Variants in ALCAM observed in about 807,000 individuals in gnomAD.
ALCAM encodes activated leukocyte cell adhesion molecule, also known as CD166 antigen.
ALCAM carries 30 observed loss-of-function variants against 70.9 expected under a neutral mutation model. The observed-to-expected ratio is 0.42, with a 90% CI of 0.32 to 0.57. ALCAM has a LOEUF of 0.57. Among genes scored for constraint, ALCAM ranks in the 20% least tolerant of loss-of-function variants. ALCAM has a pLI of 0.11. For missense variants in ALCAM, 591 were observed against 695.1 expected, an observed-to-expected ratio of 0.85 and a Z score of 1.68; for synonymous variants, 249 against 242.5, an observed-to-expected ratio of 1.03 and a Z score of -0.25.
At chr3:105,491,337 C>T (rs573687852) in intron 1 of ALCAM, among the ~76,000 whole-genome samples, 62 of 152,298 alleles carry the variant, frequency 4.1e-4, no homozygotes, top group African/African-American at 1.5e-3. Flanking sequence ...CTCTGACATG[C>T]CATGGAGACA....
At chr3:105,539,848 T>C (rs1940071037) in intron 6 of ALCAM, 127 bp from the exon 7 acceptor site, 1 of 899,370 alleles carries the variant, frequency 1.1e-6, no homozygotes. Context: ...TATAAAAAGG[T>C]ATATTTAAGC....
At position 105,575,569 on chromosome 3, in the gene ALCAM, T is replaced by C. The variant is rs1257150421; in HGVS notation, c.*1118T>C. The C allele has an allele frequency of 1.3e-5, 2 of 152,574 alleles. No individual in the cohort carries two copies. Among genetic ancestry groups the C allele is most frequent in the Admixed American group, 6.6e-5 (1 of 15,252 alleles). 9.5% of individuals were successfully genotyped at this position (152,574 alleles called of 1,614,324 possible). A position where few individuals can be genotyped will look rare whatever the true frequency, so the allele number is the denominator to read the frequency against. ...TAATTTATCAAGCAGTACATGAAAG[T>C]GTAATAATAAAATGTCTATGTATCT... On this transcript the variant is annotated 3_prime_UTR_variant, in exon 16 of 16. Transcript: ENST00000306107.
At position 105,574,563 on chromosome 3, in the gene ALCAM, A is replaced by G. The variant is rs1940922589; in HGVS notation, c.*112A>G. On this transcript the variant is annotated 3_prime_UTR_variant, in exon 16 of 16. Coordinates refer to ENST00000306107, the MANE Select transcript of ALCAM (RefSeq NM_001627.4). ...AGACATTGACAGCAATTCATGGTTC[A>G]AGTATTAAGCAGTTCATTCTACCAA... is the stretch of plus-strand genomic sequence containing the variant. The G allele has an allele frequency of 6.6e-6, 1 of 152,620 alleles. No individual in the cohort carries two copies. The highest frequency in any genetic ancestry group is 1.5e-5 in the Non-Finnish European group (1 of 68,032). The allele number at this position is 152,620 out of a possible 1,614,324, so 9.5% of individuals were successfully genotyped here.
chr3:105,386,363 A>G (rs1439244198), intron 1 of ALCAM, among the ~76,000 whole-genome samples: 3 of 151,626 alleles, frequency 2.0e-5, no homozygotes, highest in African/African-American at 7.3e-5. Context: ...CCAACTGAAT[A>G]GAAATACTCA....
chr3:105,529,541 T>G (rs1398263650), intron 3 of ALCAM, among the ~76,000 whole-genome samples: 1 of 152,064 alleles, frequency 6.6e-6, no homozygotes, highest in Non-Finnish European at 1.5e-5. Flanking sequence ...AAACAAACCT[T>G]TAAGGAGAAA....
intron 1 of ALCAM, among the ~76,000 whole-genome samples, chr3:105,493,753 A>T: frequency 6.6e-6 from 1 of 152,166 alleles, no homozygotes; most frequent in Non-Finnish European, 1.5e-5. Flanking sequence ...GATCTCCAGG[A>T]ACTATATGAC....
intron 1 of ALCAM, among the ~76,000 whole-genome samples, chr3:105,481,512 G>C (rs1938270775): frequency 6.6e-6 from 1 of 152,034 alleles, no homozygotes; most frequent in South Asian, 2.1e-4. Flanking sequence ...TGTAACATTA[G>C]GTATTGAAGG....
intron 1 of ALCAM, among the ~76,000 whole-genome samples, chr3:105,458,351 G>T (rs571083721): frequency 1.3e-5 from 2 of 152,276 alleles, no homozygotes; most frequent in East Asian, 3.9e-4. Flanking sequence ...ATGGAACTGG[G>T]TATGACATTG....
At chr3:105,448,536 C>T (rs1252050826) in intron 1 of ALCAM, among the ~76,000 whole-genome samples, 1 of 152,122 alleles carries the variant, frequency 6.6e-6, no homozygotes, top group African/African-American at 2.4e-5. Context: ...TGGCTCCATC[C>T]AATTTTCCAC....
intron 12 of ALCAM, 98 bp downstream of exon 12, chr3:105,550,357 G>T: frequency 3.3e-6 from 4 of 1,202,530 alleles, no homozygotes; most frequent in South Asian, 3.4e-5. Context: ...ACTGCATTAT[G>T]GTAAGTTTTA....
At chr3:105,553,327 A>G (rs1381955279) in intron 14 of ALCAM, among the ~76,000 whole-genome samples, 3 of 151,774 alleles carry the variant, frequency 2.0e-5, no homozygotes, top group Non-Finnish European at 2.9e-5. Flanking sequence ...TTCAGATACC[A>G]TTGATAGGGG....
chr3:105,398,138 A>G (rs191826688), intron 1 of ALCAM, among the ~76,000 whole-genome samples: 108 of 152,152 alleles, frequency 7.1e-4, no homozygotes, highest in Non-Finnish European at 1.3e-3. Flanking sequence ...CCAAATTTGC[A>G]TTTCTAACAA....
intron 8 of ALCAM, 92 bp from the exon 9 acceptor site, chr3:105,545,131 A>G: frequency 1.2e-6 from 1 of 858,834 alleles, no homozygotes; most frequent in South Asian, 1.4e-5. Flanking sequence ...CAGTTAGAAG[A>G]AATTTATTTT....
intron 3 of ALCAM, among the ~76,000 whole-genome samples, chr3:105,527,871 C>A (rs896272437): frequency 6.6e-6 from 1 of 151,754 alleles, no homozygotes; most frequent in African/African-American, 2.4e-5. Flanking sequence ...TGCTTTCACC[C>A]TCCTCCTAAA....
At chr3:105,470,035 A>G (rs867876570) in intron 1 of ALCAM, among the ~76,000 whole-genome samples, 34 of 149,880 alleles carry the variant, frequency 2.3e-4, no homozygotes, top group Non-Finnish European at 1.5e-4. Flanking sequence ...GGTATATTTT[A>G]TATTAATATA....
At chr3:105,395,544 T>C (rs1576132039) in intron 1 of ALCAM, among the ~76,000 whole-genome samples, 1 of 152,162 alleles carries the variant, frequency 6.6e-6, no homozygotes, top group African/African-American at 2.4e-5. Context: ...CATGAAAATA[T>C]GCTTTTCTTT....
intron 1 of ALCAM, among the ~76,000 whole-genome samples, chr3:105,392,134 A>G (rs1016059875): frequency 6.6e-6 from 1 of 152,072 alleles, no homozygotes; most frequent in Non-Finnish European, 1.5e-5. Context: ...GAATAGTTTC[A>G]GAAGAAATGG....
intron 1 of ALCAM, among the ~76,000 whole-genome samples, chr3:105,434,379 T>C (rs1404890960): frequency 6.6e-6 from 1 of 152,102 alleles, no homozygotes; most frequent in Non-Finnish European, 1.5e-5. Context: ...ATTATCTCAG[T>C]TTTCTGTAGC....
intron 1 of ALCAM, among the ~76,000 whole-genome samples, chr3:105,451,805 A>G (rs1452824656): frequency 1.3e-5 from 2 of 152,186 alleles, no homozygotes; most frequent in Non-Finnish European, 2.9e-5. Context: ...ATAAAACCAT[A>G]TTGGCAAGGA....
Sources: gnomAD v4.1 joint callset for allele counts (sites outside exome capture counted in the v4.1 genomes callset) on GRCh38, gnomAD v4.1.1 for gene constraint, MANE v1.5 for transcripts, NCBI Gene and HGNC (gene_info 2026-07-23, HGNC 2026-07-21) for gene names.